Variants in RPS6KA4 observed in about 807,000 individuals in gnomAD.
RPS6KA4 encodes ribosomal protein S6 kinase alpha-4.
A neutral mutation model predicts 89.6 loss-of-function variants in RPS6KA4; 38 were observed. The observed-to-expected ratio is 0.42, with a 90% CI of 0.33 to 0.56. The LOEUF is 0.56. Among genes scored for constraint, RPS6KA4 ranks in the 20% least tolerant of loss-of-function variants. The pLI, the probability that RPS6KA4 is intolerant of heterozygous loss-of-function variation, is 0.07. For missense variants in RPS6KA4, 873 were observed against 1,098.8 expected (o/e 0.79, Z 2.90); for synonymous variants, 495 against 492.8 (o/e 1.00, Z -0.06).
intron 12 of RPS6KA4, among the ~76,000 whole-genome samples, chr11:64,369,028 A>C (rs548274574): frequency 1.3e-5 from 2 of 152,238 alleles, no homozygotes; most frequent in African/African-American, 4.8e-5. Flanking sequence ...GCGATGGCTC[A>C]CGCCTGTGAT....
At position 64,361,046 on chromosome 11, in the gene RPS6KA4, G is replaced by T. The variant is rs771346248; in HGVS notation, c.463-88G>T. On this transcript the variant is annotated intron_variant, in intron 4 of 16. Coordinates refer to ENST00000334205, the MANE Select transcript of RPS6KA4 (RefSeq NM_003942.3). The surrounding 1 kb of genome is among the most constrained non-coding windows in gnomAD (Gnocchi z 4.7). ...ACAGGCAGATGACTTTCTCTGGGGG[G>T]TCTCCTTATCCTGAGCAGGGCCAGG... is the stretch of plus-strand genomic sequence containing the variant. 1 of 1,060,396 alleles carries T rather than the reference G, an allele frequency of 9.4e-7. No individual in the cohort carries two copies. The highest frequency in any genetic ancestry group is 1.4e-6 in the Non-Finnish European group (1 of 722,672). 65.7% of individuals were successfully genotyped at this position (1,060,396 alleles called of 1,614,324 possible).
intron 9 of RPS6KA4, 149 bp from the exon 10 acceptor site, chr11:64,367,983 A>T: frequency 1.3e-6 from 1 of 750,152 alleles, no homozygotes. Flanking sequence ...AAGTGTCCAC[A>T]CATCCTGTGT....
chr11:64,364,580 G>A (rs2036831722), intron 8 of RPS6KA4, among the ~76,000 whole-genome samples: 1 of 152,096 alleles, frequency 6.6e-6, no homozygotes, highest in South Asian at 2.1e-4. Context: ...CTGACTTAAG[G>A]CAAGACCACA....
intron 14 of RPS6KA4, 39 bp downstream of exon 14, chr11:64,369,932 C>T (rs1016361818): frequency 6.1e-6 from 9 of 1,469,258 alleles, no homozygotes; most frequent in East Asian, 5.0e-5. Flanking sequence ...CAGGGTCGCT[C>T]GGACCTGGCG....
intron 8 of RPS6KA4, 51 bp from the exon 9 acceptor site, chr11:64,365,250 A>G (rs1411191057): frequency 1.0e-5 from 16 of 1,579,918 alleles, no homozygotes; most frequent in Non-Finnish European, 1.4e-5. Flanking sequence ...GAGTGGAGGG[A>G]GTTTCTCGTT....
At chr11:64,359,799 G>T in intron 2 of RPS6KA4, 1 of 526,706 alleles carries the variant, frequency 1.9e-6, no homozygotes, top group African/African-American at 1.9e-5. Context: ...GCGCTGGTTT[G>T]CGCATCCCTT....
At chr11:64,362,101 A>G in intron 8 of RPS6KA4, 99 bp downstream of exon 8, 2 of 1,398,650 alleles carry the variant, frequency 1.4e-6, no homozygotes, top group South Asian at 2.7e-5. Flanking sequence ...TTTATTTGGA[A>G]ATCCCCCCAG....
Position 64,371,432 on chromosome 11 carries a change from CT to C in RPS6KA4, c.2272del (p.Ser758ProfsTer26). 6.3e-7 allele frequency: 1 copy of C among 1,598,156 alleles called. No homozygotes were observed. ...PANPGRAPVASKGAPRRANGP... is the reference protein window; with the variant it reads ...PANPGRAPVAXKGAPRRANGP... Reference sequence around the variant, plus strand: ...CCAACCCGGGCCGAGCCCCCGTCGCCTCCAAAGGGGCCCCCCGCCGAGCCAA... The same window carrying C: ...CCAACCCGGGCCGAGCCCCCGTCGCCCCAAAGGGGCCCCCCGCCGAGCCAA... On this transcript the variant is annotated frameshift_variant, in exon 17 of 17. Transcript: ENST00000334205. LOFTEE classifies it high-confidence loss of function.
chr11:64,359,166 C>T lies in RPS6KA4; in HGVS notation c.-70C>T. Reference sequence around the variant, plus strand: ...AGGCGGCACCAGGAAGCGCCCGCCCCGGCCGGAGCCGCCATGTAACCGGCG... The same window carrying T: ...AGGCGGCACCAGGAAGCGCCCGCCCTGGCCGGAGCCGCCATGTAACCGGCG... On this transcript the variant is annotated 5_prime_UTR_variant, in exon 1 of 17. Coordinates refer to ENST00000334205, the MANE Select transcript of RPS6KA4 (RefSeq NM_003942.3). 1 of 1,198,378 alleles carries T rather than the reference C, an allele frequency of 8.3e-7. No individual in the cohort carries two copies. Among genetic ancestry groups the T allele is most frequent in the Non-Finnish European group, 1.0e-6 (1 of 954,892 alleles). The allele number at this position is 1,198,378 out of a possible 1,614,324, so 74.2% of individuals were successfully genotyped here.
At chr11:64,371,165 A>C in intron 16 of RPS6KA4, 118 bp from the exon 17 acceptor site, 3 of 888,802 alleles carry the variant, frequency 3.4e-6, no homozygotes. Context: ...CTGGAGGCCA[A>C]GGCCCTGTCG....
chr11:64,361,384 T>C lies in RPS6KA4; in HGVS notation c.571-85T>C. The stretch of plus-strand genomic sequence containing the variant: ...CAGCTCAGCTCTCCAACCTCACAAG[T>C]TGAGCGAGTCTTACTCTGGGCCTTG... On this transcript the variant is annotated intron_variant, in intron 5 of 16. Coordinates refer to ENST00000334205, the MANE Select transcript of RPS6KA4 (RefSeq NM_003942.3). This position sits in a 1 kb window ranked among gnomAD's most constrained non-coding sequence, Gnocchi z 4.7. 6.5e-7 allele frequency: 1 copy of C among 1,528,016 alleles called. No individual in the cohort carries two copies. The allele number at this position is 1,528,016 out of a possible 1,614,324, so 94.7% of individuals were successfully genotyped here.
Position 64,371,599 on chromosome 11 carries a change from C to G in RPS6KA4, c.*119C>G, listed in dbSNP as rs1369977285. 1 of 580,948 alleles carries G rather than the reference C, an allele frequency of 1.7e-6. No individual in the cohort carries two copies. Among genetic ancestry groups the G allele is most frequent in the African/African-American group, 1.9e-5 (1 of 52,744 alleles). 36.0% of individuals were successfully genotyped at this position (580,948 alleles called of 1,614,324 possible). A position where few individuals can be genotyped will look rare whatever the true frequency, so the allele number is the denominator to read the frequency against. ...CAAGGGACTGTCCTTTCCTCTCCTA[C>G]CCCACCCCACTCCCAGACAGAGCAG... On this transcript the variant is annotated 3_prime_UTR_variant, in exon 17 of 17. Transcript: ENST00000334205.
At position 64,361,623 on chromosome 11, in the gene RPS6KA4, C is replaced by A; in HGVS notation, c.652-19C>A. 1.2e-6 allele frequency: 2 copies of A among 1,613,408 alleles called. No individual in the cohort carries two copies. The highest frequency in any genetic ancestry group is 1.7e-6 in the Non-Finnish European group (2 of 1,179,872). On this transcript the variant is annotated intron_variant, in intron 6 of 16. Transcript: ENST00000334205. The surrounding 1 kb of genome is among the most constrained non-coding windows in gnomAD (Gnocchi z 4.7). ...GAGGCAGGGGAGATGCAGGCCCTCACCCCGGCTCCACCCGGCAGGCTGTGG... is the reference window on the plus strand; with the variant it reads ...GAGGCAGGGGAGATGCAGGCCCTCAACCCGGCTCCACCCGGCAGGCTGTGG...
In RPS6KA4 at chr11:64,371,400, G is replaced by C. The variant is rs777705512; in HGVS notation, c.2239G>C (p.Ala747Pro). 4 of 1,611,094 alleles carry C rather than the reference G, an allele frequency of 2.5e-6. No individual in the cohort carries two copies. In the East Asian group the frequency reaches 8.9e-5, roughly 36 times the overall value. Residue 747 changes from alanine to proline, a missense_variant, in exon 17 of 17, where the codon GCA (alanine) becomes CCA (proline). Physicochemically the swap from Ala to Pro is conservative, Grantham distance 27 (BLOSUM62 -1). Transcript: ENST00000334205. ...CACCGCCTCCCGCCGGGGCTCCCCT[G>C]CACCAGCCAACCCGGGCCGAGCCCC... ...SATASRRGSPAPANPGRAPVA... is the reference protein window; with the variant it reads ...SATASRRGSPPPANPGRAPVA...
rs748097861 is a variant in RPS6KA4, at chr11:64,370,427, G to T, written c.1957+43G>T. ...ATAGACCATGGTTGGGGAGGGGGAC[G>T]CTGGGACAGGGATGGTCACTGGGCC... On this transcript the variant is annotated intron_variant, in intron 15 of 16. Coordinates refer to ENST00000334205, the MANE Select transcript of RPS6KA4 (RefSeq NM_003942.3). The surrounding 1 kb of genome is among the most constrained non-coding windows in gnomAD (Gnocchi z 4.1). 2 of 1,607,180 alleles carry T rather than the reference G, an allele frequency of 1.2e-6. No homozygotes were observed. The highest frequency in any genetic ancestry group is 1.1e-5 in the South Asian group (1 of 90,692).
chr11:64,361,417 C>T lies in RPS6KA4; in HGVS notation c.571-52C>T. 1 of 1,598,230 alleles carries T rather than the reference C, an allele frequency of 6.3e-7. No individual in the cohort carries two copies. The highest frequency in any genetic ancestry group is 8.6e-7 in the Non-Finnish European group (1 of 1,166,972). On this transcript the variant is annotated intron_variant, in intron 5 of 16. Coordinates refer to ENST00000334205, the MANE Select transcript of RPS6KA4 (RefSeq NM_003942.3). The surrounding 1 kb of genome is among the most constrained non-coding windows in gnomAD (Gnocchi z 4.7). ...GTCTTACTCTGGGCCTTGTGGGGCA[C>T]TGGGGCACAGGAGAGGTTTCGACAT...
intron 10 of RPS6KA4, 44 bp from the exon 11 acceptor site, chr11:64,368,424 C>T: frequency 6.5e-7 from 1 of 1,544,814 alleles, no homozygotes; most frequent in Non-Finnish European, 8.7e-7. Context: ...CAGGTGGGAC[C>T]TCTGACGCGC....
At chr11:64,371,101 C>CA (rs374004148) in intron 16 of RPS6KA4, among the ~76,000 whole-genome samples, 182 bp from the exon 17 acceptor site, 1,400 of 88,624 alleles carry the variant, frequency 0.016, 13 homozygotes, top group African/African-American at 0.033. Flanking sequence ...GAGACTCCGT[C>CA]AAAAAAAAAA....
At position 64,360,481 on chromosome 11, in the gene RPS6KA4, T is replaced by C. The variant is rs2036714980; in HGVS notation, c.351T>C (p.Tyr117=). 1 of 1,611,824 alleles carries C rather than the reference T, an allele frequency of 6.2e-7. No individual in the cohort carries two copies. The highest frequency in any genetic ancestry group is 8.5e-7 in the Non-Finnish European group (1 of 1,179,154). The change falls in exon 4 of 17, where the codon TAT becomes TAC. Residue 117 remains tyrosine, a synonymous_variant. Transcript: ENST00000334205. Reference sequence around the variant, plus strand: ...GACTTCCACTGCACCTCCCAGACTATGTGAGCGGCGGGGAGATGTTCACCC... The same window carrying C: ...GACTTCCACTGCACCTCCCAGACTACGTGAGCGGCGGGGAGATGTTCACCC... ...TDAKLHLILD[Y]VSGGEMFTHL...
Sources: allele counts gnomAD v4.1 joint callset (sites outside exome capture counted in the v4.1 genomes callset), GRCh38; gene constraint gnomAD v4.1.1; non-coding constraint Gnocchi (gnomAD v3.1); transcripts MANE v1.5; gene names NCBI Gene and HGNC (gene_info 2026-07-23, HGNC 2026-07-21).